Variants in SOX5 observed in about 807,000 individuals in gnomAD.
The protein encoded by SOX5 is SRY-box transcription factor 5.
A neutral mutation model predicts 92.0 loss-of-function variants in SOX5; 9 were observed. That is an observed-to-expected ratio of 0.10 (90% CI 0.06 to 0.17). The LOEUF (loss-of-function observed/expected upper bound fraction) is 0.17. SOX5 is among the 10% of genes least tolerant of loss of function. The probability of loss-of-function intolerance (pLI) is 1.00; values close to 1 mark genes in which losing one functional copy is unlikely to be tolerated. For synonymous variants in SOX5, 344 were observed against 336.3 expected (o/e 1.02, Z -0.25); for missense variants, 642 against 944.5 (o/e 0.68, Z 4.20).
chr12:23,963,804 T>C (rs1325986035), intron 4 of SOX5, among the ~76,000 whole-genome samples: 2 of 148,204 alleles, frequency 1.3e-5, no homozygotes, highest in Non-Finnish European at 3.0e-5. Flanking sequence ...ATATATTCCA[T>C]ACAATGGATA....
intron 2 of SOX5, among the ~76,000 whole-genome samples, chr12:24,296,943 ACAC>A (rs758679405): frequency 2.0e-5 from 3 of 151,806 alleles, no homozygotes; most frequent in Non-Finnish European, 4.4e-5. Context: ...ACACACACAC[ACAC>A]ACACACACAC....
intron 7 of SOX5, among the ~76,000 whole-genome samples, chr12:23,643,801 A>G (rs1223362941): frequency 6.6e-6 from 1 of 152,202 alleles, no homozygotes; most frequent in Non-Finnish European, 1.5e-5. Context: ...AGGCCTAATC[A>G]GAAAGAGTGT....
At position 24,307,467 on chromosome 12, in the gene SOX5, AAGG is replaced by A. The variant is rs1565873752; in HGVS notation, c.-173-30158_-173-30156del. Among the ~76,000 whole-genome samples, 94 of 19,544 alleles carry A rather than the reference AAGG, an allele frequency of 4.8e-3. 1 individual carries two copies. The highest frequency in any genetic ancestry group is 7.7e-3 in the African/African-American group (91 of 11,798). The allele number at this position is 19,544 out of a possible 152,430, so 12.8% of individuals were successfully genotyped here. ...ATAGCTGGAAAGGAAGGAAGGAAGGAAGGAAGGAAGGAAGGAAGGAAGGAAGGA... is the reference window on the plus strand; with the variant it reads ...ATAGCTGGAAAGGAAGGAAGGAAGGAAAGGAAGGAAGGAAGGAAGGAAGGA... On this transcript the variant is annotated intron_variant, in intron 2 of 4. Coordinates refer to the SOX5 transcript ENST00000446891.
rs1490829621 is a variant in SOX5 at position 24,158,696 on chromosome 12, T to C, written c.-2+54647A>G. Among the ~76,000 whole-genome samples, 3 of 151,988 alleles carry C rather than the reference T, an allele frequency of 2.0e-5. No individual in the cohort carries two copies. The East Asian group carries it at 5.8e-4, about 29-fold the overall frequency. On this transcript the variant is annotated intron_variant, in intron 4 of 4. Coordinates refer to the SOX5 transcript ENST00000446891. Reference sequence around the variant, plus strand: ...TTCACTCAGAAACTGCCACATATTCTTTGAGATACACCTCAAAAAGCAAAA... The same window carrying C: ...TTCACTCAGAAACTGCCACATATTCCTTGAGATACACCTCAAAAAGCAAAA...
chr12:23,817,070 G>C (rs984060822), intron 3 of SOX5, among the ~76,000 whole-genome samples: 1 of 152,168 alleles, frequency 6.6e-6, no homozygotes, highest in African/African-American at 2.4e-5. Context: ...ATATATTTGT[G>C]TGTGTTAGAA....
chr12:23,653,037 T>TGGATGGACGGAC (rs1555230929), intron 7 of SOX5, among the ~76,000 whole-genome samples: 2 of 149,934 alleles, frequency 1.3e-5, no homozygotes, highest in African/African-American at 4.9e-5. Flanking sequence ...GATAGATGGA[T>TGGATGGACGGAC]GGATGGATGG....
At chr12:24,262,547 G>A (rs1005812999) in intron 3 of SOX5, among the ~76,000 whole-genome samples, 9 of 152,054 alleles carry the variant, frequency 5.9e-5, no homozygotes, top group South Asian at 2.1e-4. Context: ...TAAACCAAAC[G>A]CCCACGATTA....
Position 23,665,584 on chromosome 12 carries a change from G to T in SOX5, c.811-20C>A, listed in dbSNP as rs559702358. On this transcript the variant is annotated intron_variant, in intron 6 of 14. Coordinates refer to ENST00000451604, the MANE Select transcript of SOX5 (RefSeq NM_006940.6). ...TTGAACCTGCTGAACGTGATAGAGC[G>T]AATCAAAGAGAAGAAGTTTCGATGC... The T allele has an allele frequency of 3.8e-6, 6 of 1,585,300 alleles. No homozygotes were observed. Among genetic ancestry groups the T allele is most frequent in the South Asian group, 1.2e-5 (1 of 86,760 alleles).
chr12:23,862,518 T>C (rs1213237347), intron 2 of SOX5, among the ~76,000 whole-genome samples: 1 of 152,174 alleles, frequency 6.6e-6, no homozygotes. Flanking sequence ...TAAAAAACAG[T>C]GTATCTTAAA....
chr12:24,535,678 C>A (rs894744716), intron 1 of SOX5, among the ~76,000 whole-genome samples: 20 of 152,176 alleles, frequency 1.3e-4, no homozygotes, highest in African/African-American at 4.1e-4. Flanking sequence ...GTTGCTAGAG[C>A]ATGAAGTATG....
At chr12:24,303,139 T>C (rs887757078) in intron 2 of SOX5, among the ~76,000 whole-genome samples, 10 of 152,134 alleles carry the variant, frequency 6.6e-5, no homozygotes, top group African/African-American at 2.4e-4. Flanking sequence ...CACAAATATA[T>C]ACCAAAAGGA....
At chr12:24,193,063 T>C (rs1003600530) in intron 4 of SOX5, among the ~76,000 whole-genome samples, 4 of 152,142 alleles carry the variant, frequency 2.6e-5, no homozygotes, top group Non-Finnish European at 5.9e-5. Context: ...TCCAGTATAG[T>C]CTAAGGAAGT....
chr12:23,617,219 C>T (rs2076673727), intron 8 of SOX5, among the ~76,000 whole-genome samples: 1 of 151,570 alleles, frequency 6.6e-6, no homozygotes, highest in South Asian at 2.1e-4. Context: ...TTTCTGCCTT[C>T]AGAGAAAACA....
At chr12:24,300,642 CA>C (rs1947840572) in intron 2 of SOX5, among the ~76,000 whole-genome samples, 1 of 152,058 alleles carries the variant, frequency 6.6e-6, no homozygotes, top group South Asian at 2.1e-4. Flanking sequence ...TCCAGGAAGC[CA>C]TCCAGTAATA....
At chr12:23,909,685 A>C (rs2097330363) in intron 1 of SOX5, among the ~76,000 whole-genome samples, 1 of 152,202 alleles carries the variant, frequency 6.6e-6, no homozygotes, top group South Asian at 2.1e-4. Flanking sequence ...CTGTCAAAGA[A>C]CATAGTTAAG....
At position 24,033,839 on chromosome 12, in the gene SOX5, G is replaced by A. The variant is rs144321297; in HGVS notation, c.-1-137815C>T. On this transcript the variant is annotated intron_variant, in intron 4 of 4. Transcript: ENST00000446891. ...AAAAGAAGACACAATGCTACCTTAC[G>A]CTAGCCTGAGTCAGATAGGATTAGG... Among the ~76,000 whole-genome samples the A allele has an allele frequency of 5.6e-3, 849 of 152,078 alleles. 25 individuals carry two copies. Among genetic ancestry groups the A allele is most frequent in the Admixed American group, 0.05 (760 of 15,256 alleles).
intron 1 of SOX5, among the ~76,000 whole-genome samples, chr12:24,410,372 A>G (rs1261192621): frequency 6.6e-6 from 1 of 152,194 alleles, no homozygotes; most frequent in South Asian, 2.1e-4. Context: ...ATAAAATCTA[A>G]AAATGCTTTG....
intron 2 of SOX5, among the ~76,000 whole-genome samples, chr12:24,322,024 A>T (rs1365698105): frequency 6.6e-6 from 1 of 152,110 alleles, no homozygotes; most frequent in African/African-American, 2.4e-5. Context: ...GTCTTATGGC[A>T]TTTTGGGCAC....
At position 23,575,509 on chromosome 12, in the gene SOX5, A is replaced by G. The variant is rs1400099287; in HGVS notation, c.1342+152T>C. Reference sequence around the variant, plus strand: ...GACTTTAGTGAGAAATTTCATTTACATGTTTAAAACGGACCTAGGTGGTTC... The same window carrying G: ...GACTTTAGTGAGAAATTTCATTTACGTGTTTAAAACGGACCTAGGTGGTTC... On this transcript the variant is annotated intron_variant, in intron 10 of 14. Transcript: ENST00000451604. 1.3e-5 allele frequency: 8 copies of G among 625,026 alleles called. No homozygotes were observed. The East Asian group carries it at 1.8e-4, about 14-fold the overall frequency. The allele number at this position is 625,026 out of a possible 1,614,324, so 38.7% of individuals were successfully genotyped here.
Sources: allele counts gnomAD v4.1 joint callset (sites outside exome capture counted in the v4.1 genomes callset), GRCh38; gene constraint gnomAD v4.1.1; transcripts MANE v1.5; gene names NCBI Gene and HGNC (gene_info 2026-07-23, HGNC 2026-07-21).